GABRB3: variants seen among roughly 807,000 people sequenced by gnomAD.
GABRB3 encodes the protein gamma-aminobutyric acid receptor subunit beta-3.
GABRB3 carries 14 observed loss-of-function variants against 52.1 expected under a neutral mutation model. The observed-to-expected ratio is 0.27, with a 90% CI of 0.18 to 0.42. The LOEUF (loss-of-function observed/expected upper bound fraction) is 0.42. GABRB3 is among the 10% of genes least tolerant of loss of function. GABRB3 has a pLI of 1.00. For missense variants in GABRB3, 307 were observed against 609.1 expected (o/e 0.50, Z 5.22); for synonymous variants, 260 against 232.3 (o/e 1.12, Z -1.08).
intron 3 of GABRB3, among the ~76,000 whole-genome samples, chr15:26,628,082 A>T (rs1385816836): frequency 6.6e-6 from 1 of 152,238 alleles, no homozygotes; most frequent in East Asian, 1.9e-4. Flanking sequence ...GATTGTTAGC[A>T]CTTTCAGCAA....
chr15:26,599,984 T>C (rs1245477895), intron 4 of GABRB3, among the ~76,000 whole-genome samples: 1 of 151,648 alleles, frequency 6.6e-6, no homozygotes, highest in Non-Finnish European at 1.5e-5. Flanking sequence ...AGAGATAAAA[T>C]TTAATACAAT....
chr15:26,652,543 CA>C (rs1357778190), intron 3 of GABRB3, among the ~76,000 whole-genome samples: 7 of 151,980 alleles, frequency 4.6e-5, no homozygotes, highest in Non-Finnish European at 8.8e-5. Context: ...GCCATAATTC[CA>C]TCAAAACATA....
chr15:26,634,130 G>C (rs867393167), intron 3 of GABRB3, among the ~76,000 whole-genome samples: 5 of 152,080 alleles, frequency 3.3e-5, no homozygotes, highest in Admixed American at 6.5e-5. Flanking sequence ...CTAAGGGAGA[G>C]GGGCACCCCC....
At chr15:26,699,786 C>T (rs1211106661) in intron 3 of GABRB3, among the ~76,000 whole-genome samples, 2 of 151,580 alleles carry the variant, frequency 1.3e-5, no homozygotes, top group African/African-American at 4.8e-5. Context: ...AATAAAAGAG[C>T]GTAAGTGAGA....
intron 3 of GABRB3, among the ~76,000 whole-genome samples, chr15:26,766,751 ATTCTT>A (rs1891007732): frequency 1.3e-5 from 2 of 151,588 alleles, no homozygotes; most frequent in African/African-American, 4.9e-5. Context: ...CATGTAGTTA[ATTCTT>A]TTAACTACAT....
At chr15:26,726,112 G>A (rs73372117) in intron 3 of GABRB3, among the ~76,000 whole-genome samples, 2,017 of 112,976 alleles carry the variant, frequency 0.018, 38 homozygotes, top group African/African-American at 0.063. Flanking sequence ...TGGGAGGGTC[G>A]TTTTTTCCCT....
At chr15:26,552,300 C>A (rs1446854088) in intron 8 of GABRB3, among the ~76,000 whole-genome samples, 1 of 152,234 alleles carries the variant, frequency 6.6e-6, no homozygotes, top group Non-Finnish European at 1.5e-5. Flanking sequence ...AGCCACCACA[C>A]CCAGCCTTCT....
At chr15:26,688,350 C>G (rs1175513062) in intron 3 of GABRB3, among the ~76,000 whole-genome samples, 1 of 152,194 alleles carries the variant, frequency 6.6e-6, no homozygotes, top group Non-Finnish European at 1.5e-5. Context: ...ATGACCCCAG[C>G]CAGCCCTTCC....
At chr15:26,773,730 T>C, upstream of GABRB3, 2 of 1,560,598 alleles carry the variant, frequency 1.3e-6, no homozygotes. Flanking sequence ...CACATGGCGC[T>C]GTTCCTCCGG....
intron 8 of GABRB3, among the ~76,000 whole-genome samples, chr15:26,554,190 A>ATATATATATATATAT (rs1567097853): frequency 1.2e-3 from 39 of 31,526 alleles, no homozygotes; most frequent in African/African-American, 1.5e-3. Context: ...ATATATATAT[A>ATATATATATATATAT]CTATATATAT....
At chr15:26,733,779 C>G (rs1889993308) in intron 3 of GABRB3, among the ~76,000 whole-genome samples, 1 of 152,128 alleles carries the variant, frequency 6.6e-6, no homozygotes. Flanking sequence ...CACAGACACA[C>G]AGATCAGACC....
Position 26,607,095 on chromosome 15 carries a change from T to C in GABRB3, c.461+14219A>G, listed in dbSNP as rs145074408. 3.8e-3 allele frequency among the ~76,000 whole-genome samples: 573 copies of C among 152,250 alleles called. 2 individuals carry two copies. Among genetic ancestry groups the C allele is most frequent in the African/African-American group, 0.013 (547 of 41,542 alleles). Reference sequence around the variant, plus strand: ...GCTGTAACCAATCTCGCTGTTTCTGTACCTCACTTCTGATTCCCGTACCTC... The same window carrying C: ...GCTGTAACCAATCTCGCTGTTTCTGCACCTCACTTCTGATTCCCGTACCTC... On this transcript the variant is annotated intron_variant, in intron 4 of 8. Transcript: ENST00000311550.
Position 26,580,470 on chromosome 15 carries a change from A to G in GABRB3, c.545-14T>C, listed in dbSNP as rs1224932343. The G allele has an allele frequency of 1.2e-6, 2 of 1,614,174 alleles. No homozygotes were observed. Among genetic ancestry groups the G allele is most frequent in the East Asian group, 4.5e-5 (2 of 44,880 alleles). On this transcript the variant is annotated splice_polypyrimidine_tract_variant and intron_variant, in intron 5 of 8. Coordinates refer to ENST00000311550, the MANE Select transcript of GABRB3 (RefSeq NM_000814.6). ...TGGTGTAGCCATCTGCCAAGAGAGAAGCAGGGAGACAGCAAACATCACCAT... is the reference window on the plus strand; with the variant it reads ...TGGTGTAGCCATCTGCCAAGAGAGAGGCAGGGAGACAGCAAACATCACCAT...
chr15:26,763,814 A>G (rs916813340), intron 3 of GABRB3, among the ~76,000 whole-genome samples: 1 of 152,134 alleles, frequency 6.6e-6, no homozygotes, highest in Non-Finnish European at 1.5e-5. Context: ...ATTTTAAGCT[A>G]GCAGATTTTG....
At chr15:26,579,266 G>A (rs143084483) in intron 6 of GABRB3, among the ~76,000 whole-genome samples, 3 of 152,340 alleles carry the variant, frequency 2.0e-5, no homozygotes, top group African/African-American at 7.2e-5. Context: ...TGCAGATGCA[G>A]GCACCGTGAG....
intron 4 of GABRB3, chr15:26,614,990 T>G (rs1199429578): frequency 6.6e-6 from 1 of 151,022 alleles, no homozygotes; most frequent in Non-Finnish European, 1.5e-5. Flanking sequence ...AACCCCCCCC[T>G]CGCCAACTCA....
At chr15:26,659,723 G>A (rs2140608139) in intron 3 of GABRB3, among the ~76,000 whole-genome samples, 1 of 152,276 alleles carries the variant, frequency 6.6e-6, no homozygotes, top group African/African-American at 2.4e-5. Flanking sequence ...TCTTTGTCAA[G>A]AAAGGAGTAG....
At chr15:26,760,150 G>A (rs373060460) in intron 3 of GABRB3, among the ~76,000 whole-genome samples, 6 of 152,334 alleles carry the variant, frequency 3.9e-5, no homozygotes, top group African/African-American at 1.4e-4. Flanking sequence ...GCTGCCAGAG[G>A]AGATGGGCTC....
chr15:26,686,352 T>C (rs896139476), intron 3 of GABRB3, among the ~76,000 whole-genome samples: 1 of 152,226 alleles, frequency 6.6e-6, no homozygotes, highest in African/African-American at 2.4e-5. Flanking sequence ...CAAATGAAGA[T>C]GAGATGTCAC....
Sources: allele counts gnomAD v4.1 joint callset (sites outside exome capture counted in the v4.1 genomes callset), GRCh38; gene constraint gnomAD v4.1.1; transcripts MANE v1.5; gene names NCBI Gene and HGNC (gene_info 2026-07-23, HGNC 2026-07-21).